GALNT13: variants seen among roughly 807,000 people sequenced by gnomAD.
The protein encoded by GALNT13 is UDP-GalNAc:polypeptide N-acetylgalactosaminyltransferase 13.
Under a neutral mutation model 64.2 loss-of-function variants are expected in GALNT13, and 28 were observed. That is an observed-to-expected ratio of 0.44 (90% CI 0.32 to 0.60). The LOEUF is 0.60. Ranked by LOEUF, GALNT13 falls within the 20% of genes least tolerant of loss-of-function variation. The pLI is 0.05. For synonymous variants in GALNT13, 214 were observed against 224.6 expected, an observed-to-expected ratio of 0.95 and a Z score of 0.42; for missense variants, 577 against 669.8, an observed-to-expected ratio of 0.86 and a Z score of 1.53.
At chr2:153,600,451 T>C in the GALNT13 span, among the ~76,000 whole-genome samples, 5 of 152,034 alleles carry the variant, frequency 3.3e-5, no homozygotes, top group Non-Finnish European at 5.9e-5. Flanking sequence ...GGATGTAGGC[T>C]TAAAAGGAAG....
At chr2:153,431,155 A>C in the GALNT13 span, among the ~76,000 whole-genome samples, 112 of 152,128 alleles carry the variant, frequency 7.4e-4, no homozygotes, top group Middle Eastern at 3.4e-3. Flanking sequence ...GTCAAAAAAA[A>C]AAAAAAACAA....
the GALNT13 span, among the ~76,000 whole-genome samples, chr2:153,622,668 C>G: frequency 2.8e-3 from 431 of 152,134 alleles, 9 homozygotes; most frequent in Admixed American, 0.023. Context: ...TCCTTTATTA[C>G]CCAGATAATA....
the GALNT13 span, among the ~76,000 whole-genome samples, chr2:153,795,145 C>G: frequency 6.6e-6 from 1 of 152,106 alleles, no homozygotes; most frequent in East Asian, 1.9e-4. Flanking sequence ...ACTCATTTCT[C>G]TTTCAAATAA....
the GALNT13 span, among the ~76,000 whole-genome samples, chr2:153,524,753 C>T: frequency 2.0e-5 from 3 of 152,184 alleles, no homozygotes; most frequent in African/African-American, 7.2e-5. Flanking sequence ...TGAGTTCCTA[C>T]AAGCCTGATC....
At chr2:153,744,746 T>C in the GALNT13 span, among the ~76,000 whole-genome samples, 2 of 152,124 alleles carry the variant, frequency 1.3e-5, no homozygotes, top group Admixed American at 1.3e-4. Context: ...TGGGCCAGAT[T>C]GAGATGGTTG....
chr2:153,782,512 C>CCTCT, the GALNT13 span, among the ~76,000 whole-genome samples: 1 of 152,076 alleles, frequency 6.6e-6, no homozygotes, highest in South Asian at 2.1e-4. Flanking sequence ...TTGTATGGGA[C>CCTCT]CTCTGTTGCT....
intron 4 of GALNT13, among the ~76,000 whole-genome samples, chr2:154,153,705 G>A (rs1265283778): frequency 2.0e-5 from 3 of 152,306 alleles, no homozygotes; most frequent in South Asian, 2.1e-4. Flanking sequence ...AGCAATCAGC[G>A]AGACTCCATG....
At chr2:154,234,914 A>T (rs1689112134) in intron 4 of GALNT13, among the ~76,000 whole-genome samples, 1 of 152,160 alleles carries the variant, frequency 6.6e-6, no homozygotes, top group Admixed American at 6.6e-5. Context: ...ATTGTGAAAG[A>T]GTATAAAAAA....
At chr2:153,689,331 A>G in the GALNT13 span, among the ~76,000 whole-genome samples, 3 of 151,934 alleles carry the variant, frequency 2.0e-5, no homozygotes, top group African/African-American at 4.8e-5. Context: ...GGCTATTTGG[A>G]TCTATTCTAT....
At chr2:154,268,567 T>C (rs1484895627) in intron 8 of GALNT13, among the ~76,000 whole-genome samples, 1 of 152,104 alleles carries the variant, frequency 6.6e-6, no homozygotes, top group African/African-American at 2.4e-5. Flanking sequence ...ATATATGCAG[T>C]TCATTATATG....
At chr2:153,542,009 G>A in the GALNT13 span, among the ~76,000 whole-genome samples, 1 of 152,084 alleles carries the variant, frequency 6.6e-6, no homozygotes, top group Non-Finnish European at 1.5e-5. Flanking sequence ...AGTTGCAAAC[G>A]AATACTAGAG....
chr2:153,298,656 G>T, the GALNT13 span, among the ~76,000 whole-genome samples: 1 of 152,136 alleles, frequency 6.6e-6, no homozygotes, highest in African/African-American at 2.4e-5. Flanking sequence ...TTCACTTTGA[G>T]CTGTTAGTGA....
chr2:153,355,378 T>C, the GALNT13 span, among the ~76,000 whole-genome samples: 1 of 152,218 alleles, frequency 6.6e-6, no homozygotes. Flanking sequence ...CTGTATTAGA[T>C]GCCCTCCCAT....
intron 4 of GALNT13, among the ~76,000 whole-genome samples, chr2:154,239,871 ACAAT>A (rs1209181024): frequency 6.6e-6 from 1 of 152,186 alleles, no homozygotes; most frequent in African/African-American, 2.4e-5. Flanking sequence ...TAACTGGCAC[ACAAT>A]CAAGTATCTG....
At chr2:154,291,110 GC>G (rs1162532436) in intron 8 of GALNT13, among the ~76,000 whole-genome samples, 1 of 152,076 alleles carries the variant, frequency 6.6e-6, no homozygotes, top group Non-Finnish European at 1.5e-5. Flanking sequence ...GTAGGTTGCC[GC>G]GGCTGGCTTG....
intron 3 of GALNT13, among the ~76,000 whole-genome samples, chr2:153,978,902 C>G (rs1694258285): frequency 6.6e-6 from 1 of 151,994 alleles, no homozygotes; most frequent in African/African-American, 2.4e-5. Flanking sequence ...CACCACTGCA[C>G]TCCAGCCTGG....
chr2:154,420,314 G>A (rs1286286104), intron 11 of GALNT13, among the ~76,000 whole-genome samples: 1 of 152,072 alleles, frequency 6.6e-6, no homozygotes, highest in Non-Finnish European at 1.5e-5. Context: ...GTTATATACA[G>A]ATGGACTGCA....
intron 9 of GALNT13, among the ~76,000 whole-genome samples, chr2:154,372,585 C>T (rs1697760530): frequency 6.6e-6 from 1 of 151,942 alleles, no homozygotes; most frequent in Admixed American, 6.6e-5. Context: ...TATGATACAG[C>T]CATTGAAATA....
chr2:153,193,764 A>G, the GALNT13 span, among the ~76,000 whole-genome samples: 179 of 152,228 alleles, frequency 1.2e-3, 1 homozygote, highest in African/African-American at 4.0e-3. Flanking sequence ...CACTCCCTAA[A>G]GCATTTCTCA....
Sources: allele counts gnomAD v4.1 joint callset (sites outside exome capture counted in the v4.1 genomes callset), GRCh38; gene constraint gnomAD v4.1.1; transcripts MANE v1.5; gene names NCBI Gene and HGNC (gene_info 2026-07-23, HGNC 2026-07-21).